The following CLEC16A variants were observed in gnomAD, a reference collection of about 807,000 sequenced individuals.
CLEC16A encodes the protein C-type lectin domain containing 16A, also known as protein CLEC16A.
Under a neutral mutation model 109.5 loss-of-function variants are expected in CLEC16A, and 51 were observed. That is an observed-to-expected ratio of 0.47 (90% CI 0.37 to 0.59). CLEC16A has a LOEUF of 0.59. Among genes scored for constraint, CLEC16A ranks in the 20% least tolerant of loss-of-function variants. The pLI is 0.00. For synonymous variants in CLEC16A, 673 were observed against 564.2 expected (o/e 1.19, Z -2.73); for missense variants, 1,339 against 1,394.0 (o/e 0.96, Z 0.63).
At chr16:11,040,026 C>A in intron 14 of CLEC16A, 150 bp downstream of exon 14, 1 of 947,832 alleles carries the variant, frequency 1.1e-6, no homozygotes, top group Non-Finnish European at 1.5e-6. Context: ...CCCCTGCATC[C>A]TGGGCCAGCC....
chr16:11,060,465 G>A lies in CLEC16A; in HGVS notation c.1996-437G>A, dbSNP rs1219341618. ...TTTTGGAGTGATTGGGTTTTCCAGAGCCCATGCTGGTTTGGTTGGGACAGA... is the reference window on the plus strand; with the variant it reads ...TTTTGGAGTGATTGGGTTTTCCAGAACCCATGCTGGTTTGGTTGGGACAGA... On this transcript the variant is annotated intron_variant, in intron 18 of 23. Coordinates refer to ENST00000409790, the MANE Select transcript of CLEC16A (RefSeq NM_015226.3). 3.3e-5 allele frequency among the ~76,000 whole-genome samples: 5 copies of A among 152,328 alleles called. No individual in the cohort carries two copies. The East Asian group carries it at 7.7e-4, about 23-fold the overall frequency.
chr16:11,042,599 G>A (rs1361434307), intron 15 of CLEC16A, among the ~76,000 whole-genome samples: 2 of 152,108 alleles, frequency 1.3e-5, no homozygotes, highest in Admixed American at 6.5e-5. Context: ...AGTTTCTGTT[G>A]CAATTATTTG....
intron 18 of CLEC16A, among the ~76,000 whole-genome samples, chr16:11,054,932 C>CTTTTTTTTTTTT (rs151109740): frequency 7.7e-6 from 1 of 130,616 alleles, no homozygotes; most frequent in Non-Finnish European, 1.7e-5. Flanking sequence ...GGTTTTCTTT[C>CTTTTTTTTTTTT]TTTTTTTTTT....
intron 19 of CLEC16A, among the ~76,000 whole-genome samples, chr16:11,097,356 C>T (rs1220856253): frequency 6.6e-6 from 1 of 152,202 alleles, no homozygotes. Context: ...AGCTCCCTCG[C>T]CCTTGACAGG....
At position 11,164,236 on chromosome 16, in the gene CLEC16A, C is replaced by G. The variant is rs150809927; in HGVS notation, c.2642-2152C>G. Among the ~76,000 whole-genome samples, 652 of 152,314 alleles carry G rather than the reference C, an allele frequency of 4.3e-3. 8 individuals carry two copies. The highest frequency in any genetic ancestry group is 0.015 in the African/African-American group (621 of 41,566). ...GAGCTGGTGCTCAGGATGACCGCCT[C>G]ACTCGGAGACTCACCCTGCTTTCAC... On this transcript the variant is annotated intron_variant, in intron 22 of 23. Transcript: ENST00000409790.
chr16:11,024,159 C>G (rs961179904), intron 12 of CLEC16A: 1 of 152,190 alleles, frequency 6.6e-6, no homozygotes, highest in South Asian at 2.1e-4. Context: ...AAATAGAAAT[C>G]AAATAGCAGC....
chr16:11,133,988 C>T (rs1040108463), intron 22 of CLEC16A, among the ~76,000 whole-genome samples: 4 of 152,106 alleles, frequency 2.6e-5, no homozygotes, highest in African/African-American at 9.7e-5. Flanking sequence ...CTGCTAAGCA[C>T]TTTATGCATT....
intron 11 of CLEC16A, among the ~76,000 whole-genome samples, chr16:11,011,118 A>G (rs952404488): frequency 2.0e-5 from 3 of 152,188 alleles, no homozygotes; most frequent in African/African-American, 7.2e-5. Context: ...CTTCCCAACT[A>G]ATAAGCAGTC....
intron 23 of CLEC16A, among the ~76,000 whole-genome samples, chr16:11,168,416 G>T (rs1310928575): frequency 2.0e-5 from 3 of 152,220 alleles, no homozygotes; most frequent in Non-Finnish European, 4.4e-5. Context: ...CTCCCATTTG[G>T]TGCGTCCCCA....
chr16:11,061,384 A>C (rs559432281), intron 19 of CLEC16A, among the ~76,000 whole-genome samples: 73 of 152,324 alleles, frequency 4.8e-4, no homozygotes, highest in African/African-American at 1.7e-3. Context: ...ATATGATTCT[A>C]ATGATAAAAG....
intron 22 of CLEC16A, 149 bp from the exon 23 acceptor site, chr16:11,166,239 A>G: frequency 3.9e-6 from 3 of 771,174 alleles, no homozygotes; most frequent in Non-Finnish European, 5.8e-6. Context: ...TGGCTGGGTC[A>G]GGGCCACGAC....
At chr16:10,962,912 A>C (rs1180206852) in intron 3 of CLEC16A, among the ~76,000 whole-genome samples, 1 of 152,078 alleles carries the variant, frequency 6.6e-6, no homozygotes, top group African/African-American at 2.4e-5. Flanking sequence ...CACAAAAATT[A>C]GCTGGGTGTG....
intron 19 of CLEC16A, among the ~76,000 whole-genome samples, chr16:11,086,104 T>C (rs1253453949): frequency 6.6e-6 from 1 of 152,252 alleles, no homozygotes; most frequent in Non-Finnish European, 1.5e-5. Context: ...GTTACTGTTA[T>C]TGCCTTTGTT....
intron 19 of CLEC16A, chr16:11,070,681 CAG>C (rs888664791): frequency 3.9e-5 from 6 of 152,186 alleles, no homozygotes; most frequent in African/African-American, 1.4e-4. Context: ...GAATAAAAAA[CAG>C]AGACCTTTAC....
chr16:11,077,759 A>C (rs528599801), intron 19 of CLEC16A, among the ~76,000 whole-genome samples: 1 of 152,330 alleles, frequency 6.6e-6, no homozygotes, highest in African/African-American at 2.4e-5. Context: ...GTGGTGCTGC[A>C]GGCGGCCTGG....
At chr16:10,991,035 T>TA (rs1328584497) in intron 10 of CLEC16A, among the ~76,000 whole-genome samples, 1 of 152,138 alleles carries the variant, frequency 6.6e-6, no homozygotes, top group Non-Finnish European at 1.5e-5. Context: ...GCCCTGGAGA[T>TA]ATATACCCAG....
chr16:11,010,026 G>T (rs1334662814), intron 11 of CLEC16A, among the ~76,000 whole-genome samples: 1 of 152,132 alleles, frequency 6.6e-6, no homozygotes, highest in Admixed American at 6.5e-5. Flanking sequence ...AGCGGTGTGT[G>T]CCTGTAGTCC....
At chr16:11,124,376 C>G (rs533045081) in intron 21 of CLEC16A, among the ~76,000 whole-genome samples, 1 of 152,220 alleles carries the variant, frequency 6.6e-6, no homozygotes, top group Non-Finnish European at 1.5e-5. Flanking sequence ...GTCACACAGG[C>G]AGAACCCACA....
chr16:11,005,290 G>T (rs953727919), intron 11 of CLEC16A, among the ~76,000 whole-genome samples: 3 of 152,212 alleles, frequency 2.0e-5, no homozygotes, highest in African/African-American at 7.2e-5. Context: ...TTGAATTAGA[G>T]TAGGGGCTCC....
Sources: gnomAD v4.1 joint callset for allele counts (sites outside exome capture counted in the v4.1 genomes callset) on GRCh38, gnomAD v4.1.1 for gene constraint, MANE v1.5 for transcripts, NCBI Gene and HGNC (gene_info 2026-07-23, HGNC 2026-07-21) for gene names.